The following LIPA variants were observed in gnomAD, a reference collection of about 807,000 sequenced individuals.
LIPA encodes the protein lysosomal acid lipase/cholesteryl ester hydrolase.
LIPA carries 26 observed loss-of-function variants against 40.6 expected under a neutral mutation model. That is an observed-to-expected ratio of 0.64 (90% CI 0.47 to 0.89). The LOEUF (loss-of-function observed/expected upper bound fraction) is 0.89, where lower values mean the gene tolerates loss of function less well. Among genes scored for constraint, LIPA ranks in the 40% least tolerant of loss-of-function variants. The pLI is 0.00. For missense variants in LIPA, 455 were observed against 479.6 expected (o/e 0.95, Z 0.48); for synonymous variants, 188 against 168.4 (o/e 1.12, Z -0.90).
At chr10:89,365,181 G>T (rs1844048293) in intron 2 of LIPA, among the ~76,000 whole-genome samples, 1 of 152,162 alleles carries the variant, frequency 6.6e-6, no homozygotes, top group African/African-American at 2.4e-5. Context: ...ACCAGTGCAT[G>T]GGGTTTCCAA....
At chr10:89,295,814 T>G (rs1843409997) in intron 1 of LIPA, among the ~76,000 whole-genome samples, 1 of 152,334 alleles carries the variant, frequency 6.6e-6, no homozygotes, top group East Asian at 1.9e-4. Context: ...AAAATAGAAA[T>G]AACACCAGGA....
At chr10:89,366,097 T>C (rs1844055094) in intron 2 of LIPA, among the ~76,000 whole-genome samples, 2 of 152,220 alleles carry the variant, frequency 1.3e-5, no homozygotes, top group East Asian at 1.9e-4. Flanking sequence ...GGAATGTTTT[T>C]CCATTTGTTT....
chr10:89,308,716 C>T (rs1180262053), intron 1 of LIPA: 1 of 152,138 alleles, frequency 6.6e-6, no homozygotes, highest in Non-Finnish European at 1.5e-5. Context: ...AAGTATATAT[C>T]AACATTATTT....
chr10:89,338,798 A>T (rs1269751833), intron 1 of LIPA: 4 of 1,614,126 alleles, frequency 2.5e-6, no homozygotes, highest in Non-Finnish European at 3.4e-6. Flanking sequence ...TTAAACACTG[A>T]GTTCAAAGCT....
chr10:89,371,726 G>T (rs138235400), intron 2 of LIPA, among the ~76,000 whole-genome samples: 1 of 152,134 alleles, frequency 6.6e-6, no homozygotes, highest in Non-Finnish European at 1.5e-5. Context: ...TGTAAAGATC[G>T]CCTACCATCT....
chr10:89,404,718 G>A (rs1367600032), intron 2 of LIPA: 2 of 152,224 alleles, frequency 1.3e-5, no homozygotes, highest in Non-Finnish European at 2.9e-5. Flanking sequence ...ACTTCGATGG[G>A]ACGAGGCAGG....
rs542118055 is a variant in LIPA at position 89,385,371 on chromosome 10, G to A, written c.61+27420C>T. On this transcript the variant is annotated intron_variant, in intron 2 of 8. Coordinates refer to the LIPA transcript ENST00000371837. The stretch of plus-strand genomic sequence containing the variant: ...TTCAATCCATGTGTCTGCGGCAGGA[G>A]CATCTATTCTTCCACAACACATCCC... Among the ~76,000 whole-genome samples, 16 of 152,266 alleles carry A rather than the reference G, an allele frequency of 1.1e-4. 2 individuals carry two copies. The highest frequency in any genetic ancestry group is 3.9e-4 in the African/African-American group (16 of 41,550).
At chr10:89,275,155 G>A (rs1158520891) in intron 1 of LIPA, among the ~76,000 whole-genome samples, 1 of 152,178 alleles carries the variant, frequency 6.6e-6, no homozygotes, top group Admixed American at 6.5e-5. Flanking sequence ...ATGTGATTTA[G>A]AGGGTGGAAA....
At chr10:89,219,081 A>T (rs1023433058) in intron 8 of LIPA, among the ~76,000 whole-genome samples, 1 of 152,222 alleles carries the variant, frequency 6.6e-6, no homozygotes, top group African/African-American at 2.4e-5. Flanking sequence ...AAATTTCATA[A>T]AACATATTAC....
At chr10:89,243,608 A>T (rs1194683976) in intron 3 of LIPA, among the ~76,000 whole-genome samples, 2 of 152,184 alleles carry the variant, frequency 1.3e-5, no homozygotes, top group Non-Finnish European at 2.9e-5. Flanking sequence ...AAAAAAAGAA[A>T]AAACAAAGCA....
chr10:89,409,787 T>C (rs112179938), intron 2 of LIPA, among the ~76,000 whole-genome samples: 1 of 152,240 alleles, frequency 6.6e-6, no homozygotes, highest in Admixed American at 6.5e-5. Flanking sequence ...TTGGGAGACT[T>C]TGCTCTTTTC....
At chr10:89,370,337 G>A (rs373644444) in intron 2 of LIPA, among the ~76,000 whole-genome samples, 75 of 151,598 alleles carry the variant, frequency 4.9e-4, no homozygotes, top group African/African-American at 1.6e-3. Context: ...CAATCCTGCC[G>A]CCTCAGCCTT....
chr10:89,227,808 CA>C (rs1355403046), intron 4 of LIPA, among the ~76,000 whole-genome samples: 1 of 151,978 alleles, frequency 6.6e-6, no homozygotes, highest in Admixed American at 6.6e-5. Context: ...TGTCCAATGT[CA>C]TACAGCAATT....
intron 2 of LIPA, among the ~76,000 whole-genome samples, chr10:89,373,890 T>A (rs144641879): frequency 6.6e-6 from 1 of 152,160 alleles, no homozygotes; most frequent in African/African-American, 2.4e-5. Flanking sequence ...ACAGACCATA[T>A]CCTGAGTAGC....
intron 1 of LIPA, chr10:89,306,527 T>A: frequency 6.2e-7 from 1 of 1,614,088 alleles, no homozygotes; most frequent in Admixed American, 1.7e-5. Context: ...CTGGCCACCA[T>A]CTCAGAACGC....
rs1170457446 is a variant in LIPA, at chr10:89,226,892, T to C, written c.538+3A>G. 6.8e-7 allele frequency: 1 copy of C among 1,478,802 alleles called. No homozygotes were observed. The highest frequency in any genetic ancestry group is 1.1e-5 in the South Asian group (1 of 88,264). 91.6% of individuals were successfully genotyped at this position (1,478,802 alleles called of 1,614,324 possible). On this transcript the variant is annotated splice_donor_region_variant and intron_variant, in intron 5 of 9. Coordinates refer to ENST00000336233, the MANE Select transcript of LIPA (RefSeq NM_000235.4). ...CAACTTCTGATCTTATTTACATACATACCTATAGTGGTGCCTTGAGAATGA... is the reference window on the plus strand; with the variant it reads ...CAACTTCTGATCTTATTTACATACACACCTATAGTGGTGCCTTGAGAATGA...
chr10:89,223,760 G>T lies in LIPA; in HGVS notation c.746C>A (p.Thr249Asn). ...FLKWLGTHVC[T>N]HVILKELCGN... The stretch of plus-strand genomic sequence containing the variant: ...ACAGAGCTCCTTCAGTATGACATGA[G>T]TGCAAACGTGGGTACCCAGCCACTT... The change falls in exon 7 of 10, where the codon ACT (threonine) becomes AAT (asparagine). Residue 249 changes from threonine to asparagine, a missense_variant. Thr to Asn is a moderately conservative substitution (Grantham distance 65). Coordinates refer to ENST00000336233, the MANE Select transcript of LIPA (RefSeq NM_000235.4). The T allele has an allele frequency of 6.2e-7, 1 of 1,613,780 alleles. No homozygotes were observed. The highest frequency in any genetic ancestry group is 8.5e-7 in the Non-Finnish European group (1 of 1,179,682).
At chr10:89,302,229 T>G in intron 1 of LIPA, 1 of 1,261,006 alleles carries the variant, frequency 7.9e-7, no homozygotes. Context: ...TCCATTTTAG[T>G]GTTTGTTTAT....
At chr10:89,229,742 G>C (rs1003584942) in intron 3 of LIPA, among the ~76,000 whole-genome samples, 3 of 130,438 alleles carry the variant, frequency 2.3e-5, no homozygotes, top group African/African-American at 9.4e-5. Flanking sequence ...GACAGAGGGA[G>C]ACTCAGTCTC....
Sources: gnomAD v4.1 joint callset for allele counts (sites outside exome capture counted in the v4.1 genomes callset) on GRCh38, gnomAD v4.1.1 for gene constraint, MANE v1.5 for transcripts, NCBI Gene and HGNC (gene_info 2026-07-23, HGNC 2026-07-21) for gene names.